Variants in MCTP1 observed in about 807,000 individuals in gnomAD.
MCTP1 encodes multiple C2 and transmembrane domain-containing protein 1.
Under a neutral mutation model 120.6 loss-of-function variants are expected in MCTP1, and 69 were observed. The observed-to-expected ratio is 0.57, with a 90% CI of 0.47 to 0.70. The LOEUF (loss-of-function observed/expected upper bound fraction) is 0.70. MCTP1 is among the 30% of genes least tolerant of loss of function. The pLI, the probability that MCTP1 is intolerant of heterozygous loss-of-function variation, is 0.00. For synonymous variants in MCTP1, 529 were observed against 493.1 expected (o/e 1.07, Z -0.96); for missense variants, 1,203 against 1,248.8 (o/e 0.96, Z 0.55).
rs1002159853 is a variant in MCTP1 at position 95,109,477 on chromosome 5, C to A, written c.721-91993G>T. ...AATTTTCTCTTCATCCTTCAGGCTA[C>A]TCCTTATATATTGAACTCTTTAGAA... On this transcript the variant is annotated intron_variant, in intron 1 of 22. Coordinates refer to ENST00000515393, the MANE Select transcript of MCTP1 (RefSeq NM_024717.7). 2.0e-5 allele frequency among the ~76,000 whole-genome samples: 3 copies of A among 152,088 alleles called. No individual in the cohort carries two copies. In the East Asian group the frequency reaches 5.8e-4, roughly 29 times the overall value.
chr5:94,924,970 T>C (rs928999231), intron 6 of MCTP1, among the ~76,000 whole-genome samples: 4 of 152,244 alleles, frequency 2.6e-5, no homozygotes, highest in Non-Finnish European at 4.4e-5. Flanking sequence ...AATAAAAATA[T>C]TAGCCACATT....
chr5:94,858,145 C>A (rs1180751236), intron 17 of MCTP1, among the ~76,000 whole-genome samples: 1 of 151,624 alleles, frequency 6.6e-6, no homozygotes, highest in Non-Finnish European at 1.5e-5. Flanking sequence ...AAGCAACTCA[C>A]TGAAAATATA....
At position 94,797,972 on chromosome 5, in the gene MCTP1, G is replaced by C. The variant is rs575015931; in HGVS notation, c.2556+1041C>G. On this transcript the variant is annotated intron_variant, in intron 18 of 22. Coordinates refer to ENST00000515393, the MANE Select transcript of MCTP1 (RefSeq NM_024717.7). Reference sequence around the variant, plus strand: ...CAACCATTATGATGGTTACTATTAAGTATTATATTCTACTTTTAAGCTGAT... The same window carrying C: ...CAACCATTATGATGGTTACTATTAACTATTATATTCTACTTTTAAGCTGAT... 4.6e-5 allele frequency among the ~76,000 whole-genome samples: 7 copies of C among 152,008 alleles called. No individual in the cohort carries two copies. The South Asian group carries it at 1.5e-3, about 32-fold the overall frequency.
Position 95,025,022 on chromosome 5 carries a change from T to C in MCTP1, c.721-7538A>G, listed in dbSNP as rs192004786. On this transcript the variant is annotated intron_variant, in intron 1 of 22. Transcript: ENST00000515393. ...TGGGATCTACAGATTCAATGCAATC[T>C]CTATCATAATTTCAATGACGTTATT... Among the ~76,000 whole-genome samples the C allele has an allele frequency of 5.9e-4, 90 of 152,274 alleles. 1 individual carries two copies. Among genetic ancestry groups the C allele is most frequent in the Middle Eastern group, 3.4e-3 (1 of 294 alleles).
chr5:94,940,071 TG>T lies in MCTP1; in HGVS notation c.1173+12del. 2 of 1,475,160 alleles carry T rather than the reference TG, an allele frequency of 1.4e-6. No homozygotes were observed. The highest frequency in any genetic ancestry group is 1.9e-6 in the Non-Finnish European group (2 of 1,060,582). 91.4% of individuals were successfully genotyped at this position (1,475,160 alleles called of 1,614,324 possible). On this transcript the variant is annotated intron_variant, in intron 5 of 22. Coordinates refer to ENST00000515393, the MANE Select transcript of MCTP1 (RefSeq NM_024717.7). ...ACAAGAAAGAGCTCCTACTAGGCTG[TG>T]GGGGAACTTACCACATCCCTGGACT...
At chr5:95,187,557 G>A (rs916366267) in intron 1 of MCTP1, among the ~76,000 whole-genome samples, 4 of 152,080 alleles carry the variant, frequency 2.6e-5, no homozygotes, top group Non-Finnish European at 5.9e-5. Flanking sequence ...CCGCCACCAC[G>A]CCCGGCTAAT....
intron 1 of MCTP1, among the ~76,000 whole-genome samples, chr5:95,219,681 C>T (rs1753468342): frequency 6.6e-6 from 1 of 152,136 alleles, no homozygotes; most frequent in African/African-American, 2.4e-5. Context: ...GTCAGTCAAA[C>T]AAATGTAAAC....
At chr5:94,774,753 C>T (rs1049008642) in intron 19 of MCTP1, among the ~76,000 whole-genome samples, 4 of 152,188 alleles carry the variant, frequency 2.6e-5, no homozygotes, top group African/African-American at 7.2e-5. Context: ...GAAAACAATG[C>T]TATTCCAGTT....
chr5:94,932,737 T>C (rs981470423), intron 5 of MCTP1, among the ~76,000 whole-genome samples: 2 of 152,054 alleles, frequency 1.3e-5, no homozygotes, highest in African/African-American at 4.8e-5. Flanking sequence ...ACCTTCCTGA[T>C]TAACCTCTTT....
intron 11 of MCTP1, among the ~76,000 whole-genome samples, chr5:94,893,362 C>T (rs561811536): frequency 1.7e-4 from 26 of 152,254 alleles, no homozygotes; most frequent in Middle Eastern, 3.4e-3. Flanking sequence ...TGTTGTAATT[C>T]ATGAGGCTCA....
At chr5:95,191,730 AAT>A (rs1308551754) in intron 1 of MCTP1, among the ~76,000 whole-genome samples, 1 of 151,984 alleles carries the variant, frequency 6.6e-6, no homozygotes, top group Admixed American at 6.6e-5. Context: ...TTCAACTAAG[AAT>A]ATATGTTTCC....
rs1437378647 is a variant in MCTP1, at chr5:95,284,408, G to A, written c.168C>T (p.Pro56=). The part of the protein sequence containing the change: ...PERRTADTPS[P]SPPPPVGTGN... ...CTGTGCCCACCGGGGGTGGCGGGGA[G>A]GGCGACGGGGTGTCCGCAGTGCGGC... Residue 56 remains proline (P), a synonymous_variant, in exon 1 of 23, where the codon CCC becomes CCT. Transcript: ENST00000515393. This position sits in a 1 kb window ranked among gnomAD's most constrained non-coding sequence, Gnocchi z 5.2. 2 of 1,583,114 alleles carry A rather than the reference G, an allele frequency of 1.3e-6. No individual in the cohort carries two copies. The highest frequency in any genetic ancestry group is 2.3e-5 in the East Asian group (1 of 44,028).
At chr5:94,862,195 C>T (rs543156280) in intron 17 of MCTP1, among the ~76,000 whole-genome samples, 6 of 151,678 alleles carry the variant, frequency 4.0e-5, no homozygotes, top group Admixed American at 3.3e-4. Context: ...AGGACAAAGG[C>T]GGAAGAGCAG....
At chr5:94,793,877 T>C (rs1437278786) in intron 18 of MCTP1, among the ~76,000 whole-genome samples, 3 of 152,244 alleles carry the variant, frequency 2.0e-5, no homozygotes, top group Non-Finnish European at 2.9e-5. Flanking sequence ...ACAGCACTTA[T>C]GGCACAGAGT....
intron 18 of MCTP1, chr5:94,789,289 G>A (rs112179539): frequency 1.3e-5 from 2 of 152,198 alleles, no homozygotes; most frequent in Non-Finnish European, 2.9e-5. Flanking sequence ...CTTTAAACTG[G>A]AAGTCTCTCT....
chr5:95,139,110 T>G (rs1759697432), intron 1 of MCTP1, among the ~76,000 whole-genome samples: 1 of 152,290 alleles, frequency 6.6e-6, no homozygotes, highest in African/African-American at 2.4e-5. Context: ...TAACATCAGC[T>G]AAGAAACATA....
At chr5:94,754,516 T>C (rs1259189338) in intron 19 of MCTP1, among the ~76,000 whole-genome samples, 3 of 152,220 alleles carry the variant, frequency 2.0e-5, no homozygotes. Flanking sequence ...CATTCTGCAA[T>C]TTACAACTCT....
At chr5:95,149,152 G>T (rs1197714984) in intron 1 of MCTP1, among the ~76,000 whole-genome samples, 1 of 152,144 alleles carries the variant, frequency 6.6e-6, no homozygotes, top group African/African-American at 2.4e-5. Flanking sequence ...TCTGATCACT[G>T]GCACCATGTA....
rs1554215631 is a variant in MCTP1, at chr5:95,149,497, C to CCAAGCTGG, written c.721-132014_721-132013insCCAGCTTG. 4.9e-3 allele frequency among the ~76,000 whole-genome samples: 739 copies of CCAAGCTGG among 151,920 alleles called. 11 individuals carry two copies. Among genetic ancestry groups the CCAAGCTGG allele is most frequent in the African/African-American group, 0.017 (703 of 41,412 alleles). Reference sequence around the variant, plus strand: ...AGGACAGAGCCACTGTGCTGGGAGCCCAAGTCTTGCCTGGTTAGGAGCAGT... The same window carrying CCAAGCTGG: ...AGGACAGAGCCACTGTGCTGGGAGCCCAAGCTGGCAAGTCTTGCCTGGTTAGGAGCAGT... On this transcript the variant is annotated intron_variant, in intron 1 of 22. Transcript: ENST00000515393.
Sources: allele counts gnomAD v4.1 joint callset (sites outside exome capture counted in the v4.1 genomes callset), GRCh38; gene constraint gnomAD v4.1.1; non-coding constraint Gnocchi (gnomAD v3.1); transcripts MANE v1.5; gene names NCBI Gene and HGNC (gene_info 2026-07-23, HGNC 2026-07-21).